Variants in SRGAP2B observed in about 807,000 individuals in gnomAD.
SRGAP2B encodes the protein SLIT-ROBO Rho GTPase-activating protein 2B.
A neutral mutation model predicts 22.2 loss-of-function variants in SRGAP2B; 9 were observed. That is an observed-to-expected ratio of 0.41 (90% CI 0.24 to 0.71). The LOEUF is 0.71. Ranked by LOEUF, SRGAP2B falls within the 30% of genes least tolerant of loss-of-function variation. The pLI, the probability that SRGAP2B is intolerant of heterozygous loss-of-function variation, is 0.35. For missense variants in SRGAP2B, 114 were observed against 235.8 expected, an observed-to-expected ratio of 0.48 and a Z score of 3.38; for synonymous variants, 36 against 87.4, an observed-to-expected ratio of 0.41 and a Z score of 3.28.
chr1:144,920,612 G>A (rs1570742888), intron 4 of SRGAP2B, among the ~76,000 whole-genome samples: 1 of 148,672 alleles, frequency 6.7e-6, no homozygotes, highest in African/African-American at 2.6e-5. Context: ...GTTTCCCCAG[G>A]CTGGTCTCAA....
rs1662894389 is a variant in SRGAP2B, at chr1:144,905,185, GC to G, written c.736del (p.Ala246ProfsTer36). ...CAAGTACTCATTCCGGGCTTTGATGGCCTTCAGCTTATTCTCCGTGTACTTG... is the reference window on the plus strand; with the variant it reads ...CAAGTACTCATTCCGGGCTTTGATGGCTTCAGCTTATTCTCCGTGTACTTG... On this transcript the variant is annotated frameshift_variant, in exon 7 of 10. Transcript: ENST00000612199. LOFTEE classifies it high-confidence loss of function. 1.3e-6 allele frequency: 1 copy of G among 778,482 alleles called. No homozygotes were observed. The highest frequency in any genetic ancestry group is 1.7e-5 in the African/African-American group (1 of 58,674). The allele number at this position is 778,482 out of a possible 1,614,324, so 48.2% of individuals were successfully genotyped here.
At chr1:144,887,996 TTTG>T (rs1226618765) in exon 10 of SRGAP2B, 2 of 13,398 alleles carry the variant, frequency 1.5e-4, no homozygotes, top group East Asian at 1.5e-3. Context: ...CACTCCAGAA[TTTG>T]TTATCTCTTT....
At chr1:145,080,781 C>A (rs1336083334) in intron 2 of SRGAP2B, among the ~76,000 whole-genome samples, 4 of 149,464 alleles carry the variant, frequency 2.7e-5, no homozygotes, top group Non-Finnish European at 5.9e-5. Flanking sequence ...TCTTGAACTC[C>A]TGACCTTAGG....
At chr1:144,916,113 A>G (rs1433095881) in intron 4 of SRGAP2B, among the ~76,000 whole-genome samples, 6 of 150,616 alleles carry the variant, frequency 4.0e-5, no homozygotes, top group Admixed American at 1.3e-4. Context: ...ATGTATGTTT[A>G]TTATAATAAG....
At chr1:144,948,676 A>G (rs1410055888) in intron 4 of SRGAP2B, among the ~76,000 whole-genome samples, 1 of 32,232 alleles carries the variant, frequency 3.1e-5, no homozygotes, top group Non-Finnish European at 6.0e-5. Flanking sequence ...ATTCAAAGCC[A>G]GTGGCATAGC....
intron 4 of SRGAP2B, among the ~76,000 whole-genome samples, chr1:144,933,196 T>A (rs1476254981): frequency 2.0e-5 from 3 of 146,444 alleles, no homozygotes; most frequent in African/African-American, 7.6e-5. Context: ...AGACAATCTA[T>A]CTTAGGAGCT....
At chr1:145,032,255 G>A (rs1372890095) in intron 2 of SRGAP2B, among the ~76,000 whole-genome samples, 1 of 127,532 alleles carries the variant, frequency 7.8e-6, no homozygotes, top group Non-Finnish European at 1.6e-5. Context: ...GAATGTCCAG[G>A]CATCTCATCA....
chr1:144,920,714 A>T (rs2101772795), intron 4 of SRGAP2B, among the ~76,000 whole-genome samples: 1 of 149,982 alleles, frequency 6.7e-6, no homozygotes, highest in Non-Finnish European at 1.5e-5. Flanking sequence ...CTATTTTTTT[A>T]TATTGGTCAT....
At chr1:144,945,983 T>G (rs1451378835) in intron 4 of SRGAP2B, among the ~76,000 whole-genome samples, 1 of 5,174 alleles carries the variant, frequency 1.9e-4, no homozygotes, top group African/African-American at 9.1e-4. Context: ...TCTAAGTATT[T>G]TATACTTTCA....
chr1:144,986,991 C>A (rs1391628030), intron 3 of SRGAP2B, among the ~76,000 whole-genome samples: 2 of 151,008 alleles, frequency 1.3e-5, no homozygotes, highest in Non-Finnish European at 2.9e-5. Flanking sequence ...TCTACAACTT[C>A]TCCATTGTCT....
intron 4 of SRGAP2B, among the ~76,000 whole-genome samples, chr1:144,923,115 C>T (rs587684362): frequency 6.6e-6 from 1 of 150,652 alleles, no homozygotes; most frequent in East Asian, 1.9e-4. Context: ...TAACGGCCCT[C>T]TGCTCTCCCA....
intron 3 of SRGAP2B, among the ~76,000 whole-genome samples, chr1:144,990,707 C>G (rs1383310739): frequency 6.6e-6 from 1 of 150,846 alleles, no homozygotes; most frequent in African/African-American, 2.5e-5. Context: ...GCTGGAGTTC[C>G]GGGTGGGCTT....
chr1:145,036,009 C>T (rs1171858278), intron 2 of SRGAP2B, among the ~76,000 whole-genome samples: 3 of 136,754 alleles, frequency 2.2e-5, no homozygotes, highest in Non-Finnish European at 4.7e-5. Flanking sequence ...ATTTTTTTAC[C>T]AAAGTAATAC....
chr1:144,923,910 TTCA>T (rs1374210853), intron 4 of SRGAP2B, among the ~76,000 whole-genome samples: 2 of 79,858 alleles, frequency 2.5e-5, no homozygotes, highest in Non-Finnish European at 4.7e-5. Flanking sequence ...GCAAAGCCAA[TTCA>T]TCGAGAGATC....
rs587688357 is a variant in SRGAP2B, at chr1:144,960,429, T to C, written c.261-4828A>G. ...GGAGACATTATCACTGTAAATGCAC[T>C]GAAAGAGATAAACCTGCATAGCTGA... On this transcript the variant is annotated intron_variant, in intron 3 of 9. Coordinates refer to ENST00000612199, the Ensembl canonical transcript of SRGAP2B. Among the ~76,000 whole-genome samples the C allele has an allele frequency of 1.8e-3, 269 of 150,720 alleles. 4 individuals are homozygous for C. Among genetic ancestry groups the C allele is most frequent in the Middle Eastern group, 6.9e-3 (2 of 290 alleles).
rs71259136 is a variant in SRGAP2B at position 145,045,296 on chromosome 1, C to CA, written c.67+47538dup. On this transcript the variant is annotated intron_variant, in intron 2 of 9. Coordinates refer to ENST00000612199, the Ensembl canonical transcript of SRGAP2B. ...TGGGGGACGGAGCGAGACTCCGCCT[C>CA]AAAAAAAAAAAAAAAAAGAAAGAAA... 5.1e-3 allele frequency among the ~76,000 whole-genome samples: 211 copies of CA among 41,638 alleles called. 1 individual carries two copies. The highest frequency in any genetic ancestry group is 0.021 in the Middle Eastern group (1 of 48). 27.3% of individuals were successfully genotyped at this position (41,638 alleles called of 152,430 possible).
At chr1:144,957,930 G>A (rs1667386276) in intron 3 of SRGAP2B, among the ~76,000 whole-genome samples, 1 of 149,618 alleles carries the variant, frequency 6.7e-6, no homozygotes, top group African/African-American at 2.5e-5. Context: ...TAAGGAAGAA[G>A]ATGGATTGGG....
chr1:145,005,878 A>G (rs1385300706), intron 2 of SRGAP2B, among the ~76,000 whole-genome samples: 1 of 148,838 alleles, frequency 6.7e-6, no homozygotes, highest in African/African-American at 2.6e-5. Flanking sequence ...GAGTATTTAA[A>G]TAAGACAGCA....
intron 4 of SRGAP2B, among the ~76,000 whole-genome samples, chr1:144,925,735 G>GAAAGA (rs1664647250): frequency 2.5e-5 from 2 of 81,508 alleles, no homozygotes; most frequent in African/African-American, 9.2e-5. Flanking sequence ...AGAAAAGAAA[G>GAAAGA]AAAGAAAGAA....
Sources: allele counts gnomAD v4.1 joint callset (sites outside exome capture counted in the v4.1 genomes callset), GRCh38; gene constraint gnomAD v4.1.1; transcripts MANE v1.5; gene names NCBI Gene and HGNC (gene_info 2026-07-23, HGNC 2026-07-21).